The following BAZ1A variants were observed in gnomAD, a reference collection of about 807,000 sequenced individuals.
The protein encoded by BAZ1A is bromodomain adjacent to zinc finger domain 1A.
A neutral mutation model predicts 185.2 loss-of-function variants in BAZ1A; 50 were observed. That is an observed-to-expected ratio of 0.27 (90% CI 0.22 to 0.34). The LOEUF (loss-of-function observed/expected upper bound fraction) is 0.34. Ranked by LOEUF, BAZ1A falls within the 10% of genes least tolerant of loss-of-function variation. The pLI is 1.00. For missense variants in BAZ1A, 1,356 were observed against 1,839.9 expected (o/e 0.74, Z 4.81); for synonymous variants, 571 against 615.6 (o/e 0.93, Z 1.07).
chr14:34,816,657 C>G (rs548549028), intron 4 of BAZ1A: 1 of 216,562 alleles, frequency 4.6e-6, no homozygotes, highest in South Asian at 5.3e-5. Context: ...ATCTGAGCTG[C>G]TACAAATACC....
At chr14:34,804,127 T>G (rs1881725685) in intron 6 of BAZ1A, among the ~76,000 whole-genome samples, 1 of 152,104 alleles carries the variant, frequency 6.6e-6, no homozygotes, top group African/African-American at 2.4e-5. Context: ...CCTGCCTCAG[T>G]CTCCGGAGTA....
chr14:34,763,704 T>TA (rs1878598165), intron 23 of BAZ1A, among the ~76,000 whole-genome samples: 1 of 152,242 alleles, frequency 6.6e-6, no homozygotes, highest in Admixed American at 6.5e-5. Flanking sequence ...GCTCATTTTT[T>TA]ATCTCTCTGT....
At chr14:34,833,062 C>T (rs1277538861) in intron 3 of BAZ1A, among the ~76,000 whole-genome samples, 1 of 151,962 alleles carries the variant, frequency 6.6e-6, no homozygotes, top group Admixed American at 6.6e-5. Flanking sequence ...CAGAGTGAGA[C>T]CCCCAACTCT....
intron 25 of BAZ1A, chr14:34,758,439 G>C (rs1886365466): frequency 3.3e-6 from 1 of 306,090 alleles, no homozygotes; most frequent in African/African-American, 2.2e-5. Flanking sequence ...TATTAGCCGG[G>C]TGTGGTGGTG....
chr14:34,761,453 G>C (rs1886517863), intron 24 of BAZ1A, among the ~76,000 whole-genome samples: 1 of 152,196 alleles, frequency 6.6e-6, no homozygotes, highest in Non-Finnish European at 1.5e-5. Flanking sequence ...AGGTGGGAGA[G>C]AGTGAAATGT....
intron 21 of BAZ1A, 58 bp downstream of exon 21, chr14:34,771,453 G>A: frequency 1.3e-6 from 2 of 1,491,018 alleles, no homozygotes; most frequent in East Asian, 2.3e-5. Flanking sequence ...TTAGTTAAAG[G>A]CCAACTCAAA....
intron 25 of BAZ1A, among the ~76,000 whole-genome samples, chr14:34,755,139 G>T (rs932500904): frequency 6.6e-6 from 1 of 151,676 alleles, no homozygotes; most frequent in Non-Finnish European, 1.5e-5. Flanking sequence ...ACACACCATT[G>T]TCAGTTGTGA....
intron 18 of BAZ1A, among the ~76,000 whole-genome samples, chr14:34,775,252 T>C (rs1879517157): frequency 6.6e-6 from 1 of 152,130 alleles, no homozygotes; most frequent in African/African-American, 2.4e-5. Context: ...TTTTTAATCC[T>C]GAAAAAAACT....
In BAZ1A at chr14:34,860,460, A is replaced by G. The variant is rs2042749010; in HGVS notation, c.392+1584T>C. 2.1e-5 allele frequency among the ~76,000 whole-genome samples: 3 copies of G among 143,852 alleles called. No individual in the cohort carries two copies. In the South Asian group the frequency reaches 7.2e-4, roughly 34 times the overall value. 94.4% of individuals were successfully genotyped at this position (143,852 alleles called of 152,430 possible). A position where few individuals can be genotyped will look rare whatever the true frequency, so the allele number is the denominator to read the frequency against. ...GAGGTAGAGGTTGTAGTGAGCTGAGATGGAGCCACTGCACTCTAGCCTGGG... is the reference window on the plus strand; with the variant it reads ...GAGGTAGAGGTTGTAGTGAGCTGAGGTGGAGCCACTGCACTCTAGCCTGGG... On this transcript the variant is annotated intron_variant, in intron 3 of 26. Coordinates refer to ENST00000360310, the MANE Select transcript of BAZ1A (RefSeq NM_013448.3).
chr14:34,865,149 G>A (rs868772733), intron 2 of BAZ1A, among the ~76,000 whole-genome samples: 25 of 152,160 alleles, frequency 1.6e-4, no homozygotes, highest in African/African-American at 2.6e-4. Flanking sequence ...TCCGGAGGCC[G>A]AGGCAGGAGA....
At chr14:34,826,706 G>A (rs570472651) in intron 3 of BAZ1A, among the ~76,000 whole-genome samples, 21 of 152,288 alleles carry the variant, frequency 1.4e-4, no homozygotes, top group Middle Eastern at 6.8e-3. Flanking sequence ...TGTTGTTGTA[G>A]TCAGAGAATA....
chr14:34,811,980 A>G (rs1234219870), intron 4 of BAZ1A, among the ~76,000 whole-genome samples: 3 of 152,160 alleles, frequency 2.0e-5, no homozygotes, highest in African/African-American at 7.2e-5. Flanking sequence ...GTATTTATTT[A>G]TTTATTCAAT....
In BAZ1A at chr14:34,753,545, A is replaced by G; in HGVS notation, c.4634T>C (p.Val1545Ala). The G allele has an allele frequency of 2.5e-6, 4 of 1,614,156 alleles. No individual in the cohort carries two copies. Among genetic ancestry groups the G allele is most frequent in the Non-Finnish European group, 3.4e-6 (4 of 1,180,022 alleles). ...CTTTTTCGCAGCCGGTGGTGTGCTA[A>G]CTTGGTCCACATTACTGGGTGTGAC... ...LHVTPSNVDQ[V>A]STPPAAKKSR... Residue 1545 changes from valine (V) to alanine (A), a missense_variant, in exon 27 of 27, where the codon GTT becomes GCT. Physicochemically the swap from Val to Ala is moderately conservative, Grantham distance 64 (BLOSUM62 0). This residue lies in a region of BAZ1A where 25 missense variants were observed against 20.1 expected (regional missense o/e 1.24). Coordinates refer to ENST00000360310, the MANE Select transcript of BAZ1A (RefSeq NM_013448.3).
At chr14:34,831,021 A>T (rs996733666) in intron 3 of BAZ1A, among the ~76,000 whole-genome samples, 1 of 152,108 alleles carries the variant, frequency 6.6e-6, no homozygotes, top group Admixed American at 6.5e-5. Flanking sequence ...ATTAACTACA[A>T]ATATTCTAAG....
At chr14:34,809,226 C>G (rs1387362809) in intron 5 of BAZ1A, among the ~76,000 whole-genome samples, 1 of 152,126 alleles carries the variant, frequency 6.6e-6, no homozygotes, top group Non-Finnish European at 1.5e-5. Flanking sequence ...TGACTATATT[C>G]TTTTCCTAGA....
At chr14:34,801,893 G>A (rs1881588097) in intron 7 of BAZ1A, among the ~76,000 whole-genome samples, 1 of 131,574 alleles carries the variant, frequency 7.6e-6, no homozygotes, top group African/African-American at 2.9e-5. Context: ...GTGACAGAGT[G>A]AGACTCCATC....
rs954904849 is a variant in BAZ1A, at chr14:34,775,819, G to A, written c.2833+100C>T. The A allele has an allele frequency of 1.6e-5, 14 of 883,090 alleles. No individual in the cohort carries two copies. The Admixed American group carries it at 2.1e-4, about 13-fold the overall frequency. The allele number at this position is 883,090 out of a possible 1,614,324, so 54.7% of individuals were successfully genotyped here. A position where few individuals can be genotyped will look rare whatever the true frequency, so the allele number is the denominator to read the frequency against. On this transcript the variant is annotated intron_variant, in intron 18 of 26. Transcript: ENST00000360310. Reference sequence around the variant, plus strand: ...CAGCCTAAATCAAAGATAAGGTGTTGTAAATGTATTTCTAATAGGTTGCAA... The same window carrying A: ...CAGCCTAAATCAAAGATAAGGTGTTATAAATGTATTTCTAATAGGTTGCAA...
chr14:34,863,164 T>A (rs1690296360), intron 2 of BAZ1A, among the ~76,000 whole-genome samples: 2 of 131,264 alleles, frequency 1.5e-5, no homozygotes, highest in Non-Finnish European at 3.3e-5. Context: ...TTTTTTTTTT[T>A]TTTTTTTTTT....
chr14:34,843,178 A>G (rs2042445096), intron 3 of BAZ1A, among the ~76,000 whole-genome samples: 1 of 151,986 alleles, frequency 6.6e-6, no homozygotes, highest in South Asian at 2.1e-4. Flanking sequence ...TCTGACAAAT[A>G]TAAGGAGGAT....
Sources: allele counts gnomAD v4.1 joint callset (sites outside exome capture counted in the v4.1 genomes callset), GRCh38; gene constraint gnomAD v4.1.1; regional missense constraint gnomAD v4.1.1; transcripts MANE v1.5; gene names NCBI Gene and HGNC (gene_info 2026-07-23, HGNC 2026-07-21).